DMD: variants seen among roughly 807,000 people sequenced by gnomAD.
DMD encodes dystrophin.
A neutral mutation model predicts 330.1 loss-of-function variants in DMD; 63 were observed. That is an observed-to-expected ratio of 0.19 (90% CI 0.16 to 0.24). The LOEUF (loss-of-function observed/expected upper bound fraction) is 0.24. Ranked by LOEUF, DMD falls within the 10% of genes least tolerant of loss-of-function variation. The pLI is 1.00. For missense variants in DMD, 3,344 were observed against 2,684.1 expected (o/e 1.25, Z -5.43); for synonymous variants, 1,223 against 959.8 (o/e 1.27, Z -5.07).
In DMD at chrX:32,172,187, G is replaced by T. The variant is rs192917241; in HGVS notation, c.6438+44729C>A. On this transcript the variant is annotated intron_variant, in intron 44 of 78. Transcript: ENST00000357033. ...AAGCGACAACAAAACGGTCAAATTT[G>T]CCTGAATGATTGGTCAGCTTTGTTC... Among the ~76,000 whole-genome samples, 26 of 111,623 alleles carry T rather than the reference G, an allele frequency of 2.3e-4. No individual in the cohort carries two copies. In the South Asian group the frequency reaches 5.2e-3, roughly 23 times the overall value.
At chrX:31,909,841 A>C (rs1218647723) in intron 47 of DMD, among the ~76,000 whole-genome samples, 1 of 112,814 alleles carries the variant, frequency 8.9e-6, no homozygotes, top group Non-Finnish European at 1.9e-5. Flanking sequence ...ATAATGTGAA[A>C]TAGTGTGAAT....
chrX:33,049,863 T>TAA (rs2094436045), intron 1 of DMD, among the ~76,000 whole-genome samples: 1 of 112,088 alleles, frequency 8.9e-6, no homozygotes. Flanking sequence ...ATTTTTTCTT[T>TAA]AACCAAATAT....
chrX:33,090,687 CATATT>C (rs1427964709), intron 1 of DMD, among the ~76,000 whole-genome samples: 8 of 110,091 alleles, frequency 7.3e-5, no homozygotes, highest in Non-Finnish European at 1.5e-4. Flanking sequence ...AAGCATATGT[CATATT>C]ATATATATCA....
chrX:32,298,897 C>T (rs750787584), intron 42 of DMD, among the ~76,000 whole-genome samples: 130 of 110,810 alleles, frequency 1.2e-3, no homozygotes, highest in African/African-American at 3.9e-3. Context: ...TAACAGAAAT[C>T]GAAGAAGCTA....
intron 37 of DMD, among the ~76,000 whole-genome samples, chrX:32,354,485 C>A: frequency 9.0e-6 from 1 of 110,735 alleles, no homozygotes; most frequent in African/African-American, 3.3e-5. Context: ...AAAGAACTTA[C>A]AAAAACAAAT....
At chrX:32,293,802 C>A (rs1012163484) in intron 42 of DMD, among the ~76,000 whole-genome samples, 1 of 111,654 alleles carries the variant, frequency 9.0e-6, no homozygotes, top group Non-Finnish European at 1.9e-5. Context: ...ATGTAACAAA[C>A]CTGCACATGT....
chrX:32,812,044 C>G (rs2077404588), intron 6 of DMD, among the ~76,000 whole-genome samples: 1 of 111,092 alleles, frequency 9.0e-6, no homozygotes, highest in African/African-American at 3.3e-5. Context: ...AAGGTGTTGG[C>G]TGTTAACGTA....
At chrX:32,623,902 AC>A (rs2058169711) in intron 11 of DMD, among the ~76,000 whole-genome samples, 1 of 111,942 alleles carries the variant, frequency 8.9e-6, no homozygotes, top group African/African-American at 3.2e-5. Flanking sequence ...TATAGAAATC[AC>A]AAACCCTGTG....
intron 7 of DMD, among the ~76,000 whole-genome samples, chrX:32,701,253 T>G (rs939250260): frequency 2.9e-4 from 32 of 112,127 alleles, no homozygotes; most frequent in Non-Finnish European, 4.9e-4. Context: ...CCCGTTTTAT[T>G]GTTTTATTCA....
At chrX:32,448,733 C>A (rs1417523565) in intron 26 of DMD, 95 bp from the exon 27 acceptor site, 2 of 784,247 alleles carry the variant, frequency 2.6e-6, no homozygotes, top group African/African-American at 2.1e-5. Flanking sequence ...TCACAACATC[C>A]CAGTTAGAAT....
intron 44 of DMD, among the ~76,000 whole-genome samples, chrX:32,096,745 T>C (rs578044086): frequency 6.3e-5 from 7 of 111,419 alleles, no homozygotes; most frequent in African/African-American, 2.3e-4. Flanking sequence ...AGCCACATCA[T>C]TCAATCACTT....
chrX:31,867,089 T>TATATATATATATATATATA (rs1395456607), intron 48 of DMD, among the ~76,000 whole-genome samples: 10 of 63,460 alleles, frequency 1.6e-4, no homozygotes, highest in African/African-American at 7.2e-4. Flanking sequence ...GCAACATATT[T>TATATATATATATATATATA]TGATATATAT....
chrX:32,759,998 T>C (rs1483989107), intron 7 of DMD, among the ~76,000 whole-genome samples: 1 of 111,913 alleles, frequency 8.9e-6, no homozygotes, highest in Non-Finnish European at 1.9e-5. Flanking sequence ...AGCAGAAAAA[T>C]ACATGGAATC....
chrX:32,091,546 G>T (rs2096475009), intron 44 of DMD, among the ~76,000 whole-genome samples: 1 of 109,903 alleles, frequency 9.1e-6, no homozygotes. Context: ...CTCCACAGGT[G>T]ATCTATAGCT....
At chrX:32,076,059 A>C (rs1430913011) in intron 44 of DMD, among the ~76,000 whole-genome samples, 1 of 55,111 alleles carries the variant, frequency 1.8e-5, no homozygotes, top group African/African-American at 1.0e-4. Context: ...TCTCAAAAAA[A>C]AAAAAAAAAA....
At chrX:32,839,961 G>A (rs1476184252) in intron 4 of DMD, among the ~76,000 whole-genome samples, 1 of 111,309 alleles carries the variant, frequency 9.0e-6, no homozygotes, top group Non-Finnish European at 1.9e-5. Flanking sequence ...CACCCGCCTG[G>A]ACCACCCAAA....
chrX:31,499,108 T>C (rs865936688), intron 56 of DMD, among the ~76,000 whole-genome samples: 4 of 111,368 alleles, frequency 3.6e-5, no homozygotes, highest in Admixed American at 2.9e-4. Flanking sequence ...TGGAGAGAGG[T>C]AGGGCTCAGA....
intron 50 of DMD, among the ~76,000 whole-genome samples, chrX:31,817,283 T>C (rs746671043): frequency 6.2e-5 from 7 of 112,049 alleles, no homozygotes; most frequent in Admixed American, 5.7e-4. Context: ...AATAAACATA[T>C]ACAAGAAGCA....
intron 2 of DMD, among the ~76,000 whole-genome samples, chrX:32,871,151 T>TTC (rs1383392703): frequency 2.8e-5 from 3 of 106,337 alleles, no homozygotes; most frequent in East Asian, 5.9e-4. Context: ...GTGTTTTTTT[T>TTC]CTCTTAATCT....
Sources: allele counts gnomAD v4.1 joint callset (sites outside exome capture counted in the v4.1 genomes callset), GRCh38; gene constraint gnomAD v4.1.1; transcripts MANE v1.5; gene names NCBI Gene and HGNC (gene_info 2026-07-23, HGNC 2026-07-21).